Variants in CTSV observed in about 807,000 individuals in gnomAD.
CTSV encodes cathepsin L2.
CTSV carries 33 observed loss-of-function variants against 35.6 expected under a neutral mutation model. The observed-to-expected ratio is 0.93, with a 90% CI of 0.70 to 1.24. The LOEUF is 1.24. CTSV is among the 50% of genes most tolerant of loss of function. The probability of loss-of-function intolerance (pLI) is 0.00; values close to 1 mark genes in which losing one functional copy is unlikely to be tolerated. For synonymous variants in CTSV, 154 were observed against 147.1 expected (o/e 1.05, Z -0.34); for missense variants, 408 against 413.1 (o/e 0.99, Z 0.11).
chr9:97,035,808 C>G (rs1367892716), intron 5 of CTSV, 115 bp from the exon 6 acceptor site: 2 of 565,092 alleles, frequency 3.5e-6, no homozygotes, highest in African/African-American at 3.9e-5. Flanking sequence ...AATCAACACC[C>G]TTATAAATCG....
chr9:97,034,084 G>A (rs796398953), intron 7 of CTSV, among the ~76,000 whole-genome samples: 39 of 152,270 alleles, frequency 2.6e-4, no homozygotes, highest in African/African-American at 8.9e-4. Context: ...GTGACAGAGC[G>A]ACACTCTGTC....
intron 6 of CTSV, 69 bp from the exon 7 acceptor site, chr9:97,034,912 C>T (rs1828820487): frequency 3.4e-6 from 4 of 1,181,270 alleles, no homozygotes; most frequent in African/African-American, 3.0e-5. Flanking sequence ...CACCCTACCA[C>T]CCTCCATAAG....
In CTSV at chr9:97,035,694, C is replaced by T; in HGVS notation, c.622-1G>A. On this transcript the variant is annotated splice_acceptor_variant, in intron 5 of 7. Transcript: ENST00000259470. LOFTEE classifies it high-confidence loss of function. ...CAGGTCTGTACTTACAGATTTCATC[C>T]TTTTAAAGTTAAAGGGGGAGAGACT... 1 of 1,498,634 alleles carries T rather than the reference C, an allele frequency of 6.7e-7. No individual in the cohort carries two copies. Among genetic ancestry groups the T allele is most frequent in the Non-Finnish European group, 9.0e-7 (1 of 1,115,578 alleles). 92.8% of individuals were successfully genotyped at this position (1,498,634 alleles called of 1,614,324 possible).
In CTSV at chr9:97,036,570, C is replaced by G. The variant is rs756442242; in HGVS notation, c.574G>C (p.Glu192Gln). 2 of 1,613,994 alleles carry G rather than the reference C, an allele frequency of 1.2e-6. No individual in the cohort carries two copies. The highest frequency in any genetic ancestry group is 1.7e-6 in the Non-Finnish European group (2 of 1,180,026). Residue 192 changes from glutamate (E) to glutamine (Q), a missense_variant, in exon 5 of 8, where the codon GAG (glutamate) becomes CAG (glutamine). Physicochemically the swap from Glu to Gln is conservative, Grantham distance 29 (BLOSUM62 2). Coordinates refer to ENST00000259470, the MANE Select transcript of CTSV (RefSeq NM_001333.4). ...TCCTCAGAGTCCAGGCCTCCGTTCT[C>G]CTTGACATACTGGAAGGCCCTAGCC... ...FMARAFQYVK[E>Q]NGGLDSEESY...
At chr9:97,037,061 C>T (rs748933837) in intron 4 of CTSV, among the ~76,000 whole-genome samples, 191 bp downstream of exon 4, 6 of 152,076 alleles carry the variant, frequency 3.9e-5, no homozygotes, top group Admixed American at 6.5e-5. Flanking sequence ...GAGACGAGAT[C>T]ACGCCATTGC....
chr9:97,036,501 C>T (rs1455671786), intron 5 of CTSV, 22 bp downstream of exon 5: 5 of 1,559,052 alleles, frequency 3.2e-6, no homozygotes, highest in Non-Finnish European at 4.4e-6. Context: ...GCACGAATGA[C>T]AAGATAAGGA....
chr9:97,033,541 G>A lies in CTSV; in HGVS notation c.906-493C>T, dbSNP rs184087222. Among the ~76,000 whole-genome samples, 65 of 152,056 alleles carry A rather than the reference G, an allele frequency of 4.3e-4. No homozygotes were observed. In the Middle Eastern group the frequency reaches 0.014, roughly 32 times the overall value. ...GGAGAATCATCATTTGAACCCAGGA[G>A]GCAGAGGTTCCAGTGAGCCAAGATT... On this transcript the variant is annotated intron_variant, in intron 7 of 7. Transcript: ENST00000259470.
At chr9:97,033,870 C>A (rs910133891) in intron 7 of CTSV, among the ~76,000 whole-genome samples, 2 of 151,950 alleles carry the variant, frequency 1.3e-5, no homozygotes, top group African/African-American at 4.8e-5. Context: ...CCAAGGCAGG[C>A]GGATCACATG....
In CTSV at chr9:97,030,258, T is replaced by TG. The variant is rs1360256928; in HGVS notation, c.*2690_*2691insC. 6.6e-5 allele frequency: 10 copies of TG among 152,306 alleles called. No individual in the cohort carries two copies. The highest frequency in any genetic ancestry group is 5.2e-4 in the Admixed American group (8 of 15,310). 9.4% of individuals were successfully genotyped at this position (152,306 alleles called of 1,614,324 possible). A position where few individuals can be genotyped will look rare whatever the true frequency, so the allele number is the denominator to read the frequency against. The stretch of plus-strand genomic sequence containing the variant: ...AACCACACATAGGGCTGAGTGGATG[T>TG]TTCCTTATTGCTAAGTCCATAGCCT... On this transcript the variant is annotated 3_prime_UTR_variant, in exon 8 of 8. Coordinates refer to ENST00000259470, the MANE Select transcript of CTSV (RefSeq NM_001333.4).
intron 2 of CTSV, 100 bp downstream of exon 2, chr9:97,037,818 G>A: frequency 6.7e-7 from 1 of 1,493,130 alleles, no homozygotes; most frequent in South Asian, 1.2e-5. Context: ...TTATTGCCTG[G>A]TAAGGTCTGG....
chr9:97,038,484 T>C (rs1828896656), intron 1 of CTSV: 1 of 159,614 alleles, frequency 6.3e-6, no homozygotes, highest in Non-Finnish European at 1.4e-5. Flanking sequence ...CAGCAGGAGA[T>C]GAGCTATGTC....
Position 97,029,891 on chromosome 9 carries a change from T to G in CTSV, c.*3058A>C, listed in dbSNP as rs1465466619. ...AGATACACGAATACTTACCACTGTG[T>G]TACAACTGTGTACAGTACTCAGCAC... is the stretch of plus-strand genomic sequence containing the variant. On this transcript the variant is annotated 3_prime_UTR_variant, in exon 8 of 8. Coordinates refer to ENST00000259470, the MANE Select transcript of CTSV (RefSeq NM_001333.4). 1 of 152,258 alleles carries G rather than the reference T, an allele frequency of 6.6e-6. No homozygotes were observed. The highest frequency in any genetic ancestry group is 2.4e-5 in the African/African-American group (1 of 41,466). 9.4% of individuals were successfully genotyped at this position (152,258 alleles called of 1,614,324 possible).
intron 7 of CTSV, among the ~76,000 whole-genome samples, chr9:97,033,831 C>T (rs1276086233): frequency 6.6e-6 from 1 of 151,982 alleles, no homozygotes; most frequent in Non-Finnish European, 1.5e-5. Context: ...CACGGTGGCT[C>T]ATGTCTGTAA....
In CTSV at chr9:97,036,695, T is replaced by G. The variant is rs200569996; in HGVS notation, c.449A>C (p.Gln150Pro). 1.9e-6 allele frequency: 3 copies of G among 1,613,876 alleles called. No individual in the cohort carries two copies. Among genetic ancestry groups the G allele is most frequent in the Non-Finnish European group, 2.5e-6 (3 of 1,180,008 alleles). ...AFSATGALEG[Q>P]MFRKTGKLVS... Reference sequence around the variant, plus strand: ...AAGTTTCCCAGTTTTCCGGAACATCTGTCCTTCAAGAGCACCAGTCGCACT... The same window carrying G: ...AAGTTTCCCAGTTTTCCGGAACATCGGTCCTTCAAGAGCACCAGTCGCACT... Residue 150 changes from glutamine to proline, a missense_variant, in exon 5 of 8, where the codon CAG becomes CCG. Transcript: ENST00000259470.
In CTSV at chr9:97,034,766, C is replaced by G. The variant is rs1438293835; in HGVS notation, c.865G>C (p.Ala289Pro). 6.2e-7 allele frequency: 1 copy of G among 1,613,916 alleles called. No individual in the cohort carries two copies. Among genetic ancestry groups the G allele is most frequent in the Non-Finnish European group, 8.5e-7 (1 of 1,180,024 alleles). ...VLVVGYGFEG[A>P]NSNNSKYWLV... ...CAATACTTGCTGTTATTCGAATTTGCTCCTTCAAAGCCGTAGCCAACCACC... is the reference window on the plus strand; with the variant it reads ...CAATACTTGCTGTTATTCGAATTTGGTCCTTCAAAGCCGTAGCCAACCACC... The change falls in exon 7 of 8, where the codon GCA (alanine) becomes CCA (proline). Residue 289 changes from alanine to proline, a missense_variant. Ala to Pro is a conservative substitution (Grantham distance 27). Transcript: ENST00000259470.
In CTSV at chr9:97,036,544, T is replaced by C. The variant is rs1828854420; in HGVS notation, c.600A>G (p.Glu200=). 6.2e-7 allele frequency: 1 copy of C among 1,613,814 alleles called. No homozygotes were observed. ...TTACCACTGCTACATATGGATAGGA[T>C]TCCTCAGAGTCCAGGCCTCCGTTCT... ...VKENGGLDSE[E]SYPYVAVDEI... Residue 200 remains glutamate, a synonymous_variant, in exon 5 of 8, where the codon GAA becomes GAG. Transcript: ENST00000259470.
intron 6 of CTSV, 72 bp from the exon 7 acceptor site, chr9:97,034,915 T>C: frequency 9.1e-7 from 1 of 1,101,032 alleles, no homozygotes; most frequent in Non-Finnish European, 1.4e-6. Flanking sequence ...CCTACCACCC[T>C]CCATAAGGGA....
intron 3 of CTSV, 45 bp downstream of exon 3, chr9:97,037,448 G>T (rs748199512): frequency 6.2e-7 from 1 of 1,613,758 alleles, no homozygotes; most frequent in Non-Finnish European, 8.5e-7. Context: ...TTTTGGTGAA[G>T]AACTGAGAAG....
At position 97,037,953 on chromosome 9, in the gene CTSV, G is replaced by T. The variant is rs769335236; in HGVS notation, c.91C>A (p.Gln31Lys). The change falls in exon 2 of 8, where the codon CAG becomes AAG. Residue 31 changes from glutamine to lysine, a missense_variant. Coordinates refer to ENST00000259470, the MANE Select transcript of CTSV (RefSeq NM_001333.4). ...AATCTTCTGTGTGTTGCCTTCCACT[G>T]GTACCACTTTGTATCCAAATTTTGG... The part of the protein sequence containing the change: ...FDQNLDTKWY[Q>K]WKATHRRLYG... 5.0e-6 allele frequency: 8 copies of T among 1,613,968 alleles called. No individual in the cohort carries two copies. The highest frequency in any genetic ancestry group is 6.8e-6 in the Non-Finnish European group (8 of 1,179,992).
Sources: allele counts gnomAD v4.1 joint callset (sites outside exome capture counted in the v4.1 genomes callset), GRCh38; gene constraint gnomAD v4.1.1; transcripts MANE v1.5; gene names NCBI Gene and HGNC (gene_info 2026-07-23, HGNC 2026-07-21).